ERCC4: variants seen among roughly 807,000 people sequenced by gnomAD.
ERCC4 encodes the protein DNA repair endonuclease XPF.
Under a neutral mutation model 76.9 loss-of-function variants are expected in ERCC4, and 65 were observed. That is an observed-to-expected ratio of 0.84 (90% CI 0.69 to 1.04). ERCC4 has a LOEUF of 1.04. Among genes scored for constraint, ERCC4 ranks in the 50% least tolerant of loss-of-function variants. The probability of loss-of-function intolerance (pLI) is 0.00; values close to 1 mark genes in which losing one functional copy is unlikely to be tolerated. For missense variants in ERCC4, 1,214 were observed against 1,128.2 expected, an observed-to-expected ratio of 1.08 and a Z score of -1.09; for synonymous variants, 463 against 410.1, an observed-to-expected ratio of 1.13 and a Z score of -1.56.
Position 13,944,794 on chromosome 16 carries a change from G to C in ERCC4, c.1976G>C (p.Gly659Ala). Residue 659 changes from glycine (G) to alanine (A), a missense_variant, in exon 10 of 11, where the codon GGC (glycine) becomes GCC (alanine). Transcript: ENST00000311895. ...RDETNLDLVR[G>A]TASADVSTDT... ...GAAACAAACTTAGACCTAGTAAGAG[G>C]CACAGCATCTGCAGATGTTTCCACT... 6.2e-7 allele frequency: 1 copy of C among 1,613,874 alleles called. No individual in the cohort carries two copies. Among genetic ancestry groups the C allele is most frequent in the Non-Finnish European group, 8.5e-7 (1 of 1,179,746 alleles).
Position 13,934,273 on chromosome 16 carries a change from A to G in ERCC4, c.1184A>G (p.Asn395Ser). 5 of 1,613,386 alleles carry G rather than the reference A, an allele frequency of 3.1e-6. No homozygotes were observed. Among genetic ancestry groups the G allele is most frequent in the Non-Finnish European group, 4.2e-6 (5 of 1,179,456 alleles). ...GTATTAAAAGAAATTGAGGCAGAAA[A>G]TAAGGAGAGTGAAGCTCTTGGTGGT... ...TEVLKEIEAE[N>S]KESEALGGPG... Residue 395 changes from asparagine (N) to serine (S), a missense_variant, in exon 7 of 11, where the codon AAT becomes AGT. Asn to Ser is a conservative substitution (Grantham distance 46). Coordinates refer to ENST00000311895, the MANE Select transcript of ERCC4 (RefSeq NM_005236.3).
At chr16:13,932,740 C>T (rs1458998774) in intron 6 of ERCC4, 2 of 198,524 alleles carry the variant, frequency 1.0e-5, no homozygotes, top group Non-Finnish European at 2.0e-5. Context: ...AGCAAGACTC[C>T]ATCTCTACAA....
chr16:13,930,901 A>T lies in ERCC4; in HGVS notation c.973+11A>T, dbSNP rs185779788. The T allele has an allele frequency of 2.3e-4, 367 of 1,570,968 alleles. 1 individual carries two copies. In the East Asian group the frequency reaches 7.9e-3, roughly 34 times the overall value. On this transcript the variant is annotated intron_variant, in intron 5 of 10. Coordinates refer to ENST00000311895, the MANE Select transcript of ERCC4 (RefSeq NM_005236.3). ...TTGGTCAGAATTCAGGTGGGAGATT[A>T]AAATACTAATAATATTCTAAGAGCT...
chr16:13,922,577 C>T (rs2031999084), intron 2 of ERCC4: 1 of 687,484 alleles, frequency 1.5e-6, no homozygotes, highest in Non-Finnish European at 2.7e-6. Context: ...TTCTTAATGG[C>T]TTTATCCTTG....
Position 13,934,222 on chromosome 16 carries a change from A to G in ERCC4, c.1133A>G (p.Asn378Ser). 6.2e-7 allele frequency: 1 copy of G among 1,613,370 alleles called. No homozygotes were observed. The highest frequency in any genetic ancestry group is 8.5e-7 in the Non-Finnish European group (1 of 1,179,534). ...AAAAAGGAACTGGTCCTAGAAAGCA[A>G]CCCAAAGTGGGAGGCACTGACTGAA... is the stretch of plus-strand genomic sequence containing the variant. The part of the protein sequence containing the change: ...ETKKELVLES[N>S]PKWEALTEVL... The change falls in exon 7 of 11, where the codon AAC (asparagine) becomes AGC (serine). Residue 378 changes from asparagine to serine, a missense_variant. Coordinates refer to ENST00000311895, the MANE Select transcript of ERCC4 (RefSeq NM_005236.3).
rs3136122 is a variant in ERCC4 at position 13,932,504 on chromosome 16, G to A, written c.1102+219G>A. The A allele has an allele frequency of 0.064, 38,066 of 592,792 alleles. 1,661 individuals are homozygous for A. The highest frequency in any genetic ancestry group is 0.16 in the African/African-American group (8,548 of 53,662). 36.7% of individuals were successfully genotyped at this position (592,792 alleles called of 1,614,324 possible). A position where few individuals can be genotyped will look rare whatever the true frequency, so the allele number is the denominator to read the frequency against. ...CGAAGTATACAGCATGGCAAGTCTT[G>A]CAGTCTATTGCCCAGGGCTTCCAAA... is the stretch of plus-strand genomic sequence containing the variant. On this transcript the variant is annotated intron_variant, in intron 6 of 10. Transcript: ENST00000311895.
At chr16:13,937,341 A>G (rs964394885) in intron 8 of ERCC4, among the ~76,000 whole-genome samples, 1 of 152,180 alleles carries the variant, frequency 6.6e-6, no homozygotes, top group Non-Finnish European at 1.5e-5. Flanking sequence ...CTGTTAAGAC[A>G]TGAATTAAAA....
rs1488134630 is a variant in ERCC4, at chr16:13,950,620, A to G, written c.*2273A>G. 5.2e-6 allele frequency: 1 copy of G among 192,510 alleles called. No homozygotes were observed. The highest frequency in any genetic ancestry group is 1.1e-5 in the Non-Finnish European group (1 of 92,248). The allele number at this position is 192,510 out of a possible 1,614,324, so 11.9% of individuals were successfully genotyped here. On this transcript the variant is annotated 3_prime_UTR_variant, in exon 11 of 11. Coordinates refer to ENST00000311895, the MANE Select transcript of ERCC4 (RefSeq NM_005236.3). ...TTTTATTGAATATAGTTCAGAGTAT[A>G]TTAAAATAGACCTACCACTTCAAAT...
At chr16:13,934,815 C>G (rs992381800) in intron 7 of ERCC4, 5 of 255,294 alleles carry the variant, frequency 2.0e-5, no homozygotes, top group African/African-American at 1.1e-4. Flanking sequence ...GAGGAAAAAT[C>G]CATTTGGAAT....
chr16:13,949,976 T>G lies in ERCC4; in HGVS notation c.*1629T>G. 4.4e-6 allele frequency: 1 copy of G among 225,898 alleles called. No individual in the cohort carries two copies. The highest frequency in any genetic ancestry group is 8.8e-6 in the Non-Finnish European group (1 of 113,498). The allele number at this position is 225,898 out of a possible 1,614,324, so 14.0% of individuals were successfully genotyped here. On this transcript the variant is annotated 3_prime_UTR_variant, in exon 11 of 11. Transcript: ENST00000311895. ...TAACAAAATTGTCATTGTTATTTTTTTTTGAGACAGAGTCTCCCTCTGTTG... is the reference window on the plus strand; with the variant it reads ...TAACAAAATTGTCATTGTTATTTTTGTTTGAGACAGAGTCTCCCTCTGTTG...
At chr16:13,921,404 A>T (rs1476018736) in intron 1 of ERCC4, among the ~76,000 whole-genome samples, 2 of 152,128 alleles carry the variant, frequency 1.3e-5, no homozygotes, top group African/African-American at 4.8e-5. Context: ...TCCCCTAGAT[A>T]TATCAGGTGG....
intron 7 of ERCC4, chr16:13,934,548 A>C: frequency 2.1e-6 from 1 of 467,234 alleles, no homozygotes; most frequent in Non-Finnish European, 3.9e-6. Context: ...ATCATTGTAT[A>C]TTCATGAAAG....
intron 3 of ERCC4, among the ~76,000 whole-genome samples, chr16:13,926,992 A>T (rs1189906394): frequency 6.6e-6 from 1 of 152,224 alleles, no homozygotes; most frequent in Non-Finnish European, 1.5e-5. Context: ...CTGGTCCATC[A>T]CATCCATCCA....
chr16:13,923,936 A>G (rs76510856), intron 2 of ERCC4, among the ~76,000 whole-genome samples: 2 of 152,144 alleles, frequency 1.3e-5, no homozygotes, highest in African/African-American at 2.4e-5. Context: ...TTACAGTGCA[A>G]CCTAATTAGG....
chr16:13,947,830 G>C lies in ERCC4; in HGVS notation c.2234G>C (p.Cys745Ser). ...SLNNGRLYSQ[C>S]ISMSRYYKRP... is the part of the protein sequence containing the mutation. ...AATAACGGCCGCCTCTACAGCCAGT[G>C]CATCTCCATGTCCCGCTACTACAAG... is the stretch of plus-strand genomic sequence containing the variant. The change falls in exon 11 of 11, where the codon TGC (cysteine) becomes TCC (serine). Residue 745 changes from cysteine to serine, a missense_variant. Coordinates refer to ENST00000311895, the MANE Select transcript of ERCC4 (RefSeq NM_005236.3). 6.2e-7 allele frequency: 1 copy of C among 1,614,178 alleles called. No homozygotes were observed. The highest frequency in any genetic ancestry group is 8.5e-7 in the Non-Finnish European group (1 of 1,180,046).
chr16:13,934,536 G>A, intron 7 of ERCC4: 1 of 490,494 alleles, frequency 2.0e-6, no homozygotes, highest in South Asian at 2.2e-5. Flanking sequence ...TCTCCAGGTT[G>A]AATCATTGTA....
chr16:13,940,947 C>T (rs1389420113), intron 9 of ERCC4, among the ~76,000 whole-genome samples: 1 of 152,194 alleles, frequency 6.6e-6, no homozygotes, highest in Non-Finnish European at 1.5e-5. Context: ...AAGACAGCAC[C>T]TGAGTAGGTG....
intron 4 of ERCC4, among the ~76,000 whole-genome samples, chr16:13,929,792 C>T (rs931269546): frequency 4.6e-5 from 7 of 152,086 alleles, no homozygotes; most frequent in Admixed American, 3.9e-4. Flanking sequence ...GGTGAAACCT[C>T]GTCTCTACTA....
chr16:13,946,919 C>A (rs985052421), intron 10 of ERCC4, among the ~76,000 whole-genome samples: 2 of 152,152 alleles, frequency 1.3e-5, no homozygotes, highest in African/African-American at 4.8e-5. Context: ...CGCCACCACA[C>A]CCGGCTAATT....
Sources: allele counts gnomAD v4.1 joint callset (sites outside exome capture counted in the v4.1 genomes callset), GRCh38; gene constraint gnomAD v4.1.1; transcripts MANE v1.5; gene names NCBI Gene and HGNC (gene_info 2026-07-23, HGNC 2026-07-21).